MAP3K2: variants seen among roughly 807,000 people sequenced by gnomAD.
The protein encoded by MAP3K2 is mitogen-activated protein kinase kinase kinase 2.
Under a neutral mutation model 80.3 loss-of-function variants are expected in MAP3K2, and 24 were observed. The ratio of observed to expected loss-of-function variants is 0.30; its 90% confidence interval spans 0.22 to 0.42. MAP3K2 has a LOEUF of 0.42. Among genes scored for constraint, MAP3K2 ranks in the 10% least tolerant of loss-of-function variants. The pLI, the probability that MAP3K2 is intolerant of heterozygous loss-of-function variation, is 1.00. For missense variants in MAP3K2, 608 were observed against 750.1 expected (o/e 0.81, Z 2.21); for synonymous variants, 244 against 253.7 (o/e 0.96, Z 0.36).
intron 1 of MAP3K2, among the ~76,000 whole-genome samples, chr2:127,357,061 TG>T (rs1431558969): frequency 2.6e-5 from 4 of 152,078 alleles, no homozygotes; most frequent in African/African-American, 9.7e-5. Flanking sequence ...CATTAAAACA[TG>T]GGCAAAGGAC....
chr2:127,326,372 T>A (rs1011569605), intron 8 of MAP3K2, among the ~76,000 whole-genome samples: 1 of 151,912 alleles, frequency 6.6e-6, no homozygotes, highest in Non-Finnish European at 1.5e-5. Flanking sequence ...AGGTAAATAT[T>A]TGTAGTTTCA....
intron 1 of MAP3K2, among the ~76,000 whole-genome samples, chr2:127,350,679 G>A (rs1686677970): frequency 6.6e-6 from 1 of 151,838 alleles, no homozygotes; most frequent in Non-Finnish European, 1.5e-5. Context: ...TGGATGAAAA[G>A]TGTGATGAGG....
At position 127,323,590 on chromosome 2, in the gene MAP3K2, A is replaced by G. The variant is rs187249930; in HGVS notation, c.838+312T>C. Reference sequence around the variant, plus strand: ...TAATGGCACACACCTGAACTCAGGAAGCCAAGGCAGGAAGATCACTTGAGC... The same window carrying G: ...TAATGGCACACACCTGAACTCAGGAGGCCAAGGCAGGAAGATCACTTGAGC... On this transcript the variant is annotated intron_variant, in intron 11 of 16. Coordinates refer to ENST00000682094, the MANE Select transcript of MAP3K2 (RefSeq NM_001371910.2). 9.9e-5 allele frequency among the ~76,000 whole-genome samples: 15 copies of G among 151,848 alleles called. No individual in the cohort carries two copies. The East Asian group carries it at 2.7e-3, about 28-fold the overall frequency.
chr2:127,308,841 T>C, intron 15 of MAP3K2, 79 bp from the exon 16 acceptor site: 1 of 1,421,374 alleles, frequency 7.0e-7, no homozygotes, highest in Non-Finnish European at 9.6e-7. Context: ...TGGCAGAGAA[T>C]TACTTCATAG....
At chr2:127,379,982 A>C (rs916849523) in intron 1 of MAP3K2, among the ~76,000 whole-genome samples, 5 of 152,228 alleles carry the variant, frequency 3.3e-5, no homozygotes, top group African/African-American at 1.2e-4. Flanking sequence ...AGTGCCTAGA[A>C]CACAGAAAAT....
At chr2:127,384,876 A>G (rs1574012400) in intron 1 of MAP3K2, among the ~76,000 whole-genome samples, 1 of 152,050 alleles carries the variant, frequency 6.6e-6, no homozygotes, top group East Asian at 1.9e-4. Flanking sequence ...GGCGCAAGCA[A>G]TCCTCCTGCC....
chr2:127,342,750 A>G (rs927505887), intron 2 of MAP3K2, among the ~76,000 whole-genome samples: 21 of 152,350 alleles, frequency 1.4e-4, no homozygotes, highest in African/African-American at 5.1e-4. Flanking sequence ...TTAAACTAAC[A>G]TTATACCACA....
chr2:127,382,166 G>GAT (rs1217845697), intron 1 of MAP3K2, among the ~76,000 whole-genome samples: 4 of 152,138 alleles, frequency 2.6e-5, no homozygotes, highest in African/African-American at 9.7e-5. Context: ...TGTAAATATG[G>GAT]ATATATATTA....
At chr2:127,353,627 C>T (rs1403172933) in intron 1 of MAP3K2, among the ~76,000 whole-genome samples, 7 of 149,572 alleles carry the variant, frequency 4.7e-5, no homozygotes, top group Non-Finnish European at 8.9e-5. Context: ...TGGGGGGGGT[C>T]AAACCCCGGC....
At chr2:127,347,502 ATAAAG>A (rs980175428) in intron 1 of MAP3K2, among the ~76,000 whole-genome samples, 1 of 151,842 alleles carries the variant, frequency 6.6e-6, no homozygotes, top group Non-Finnish European at 1.5e-5. Flanking sequence ...ACCAAAAAAA[ATAAAG>A]TACTTAGGAA....
intron 1 of MAP3K2, among the ~76,000 whole-genome samples, chr2:127,367,807 A>G (rs1686997852): frequency 6.6e-6 from 1 of 152,180 alleles, no homozygotes; most frequent in South Asian, 2.1e-4. Flanking sequence ...CAAAACCTCC[A>G]TAATACCATT....
upstream of MAP3K2, chr2:127,388,190 GC>G: frequency 1.1e-6 from 1 of 878,112 alleles, no homozygotes; most frequent in Non-Finnish European, 1.4e-6. Flanking sequence ...CCTCGGCCCC[GC>G]CCCCGCCCCT....
chr2:127,368,871 A>C (rs767716206), intron 1 of MAP3K2, among the ~76,000 whole-genome samples: 48 of 151,864 alleles, frequency 3.2e-4, no homozygotes, highest in African/African-American at 1.1e-3. Flanking sequence ...TCAGCCTCCA[A>C]AGTAGCTGGC....
At chr2:127,380,843 G>C (rs181710285) in intron 1 of MAP3K2, among the ~76,000 whole-genome samples, 1 of 152,222 alleles carries the variant, frequency 6.6e-6, no homozygotes, top group African/African-American at 2.4e-5. Context: ...ACAACACTTT[G>C]AGAATAAGAG....
intron 1 of MAP3K2, among the ~76,000 whole-genome samples, chr2:127,367,920 T>C (rs538303470): frequency 6.6e-6 from 1 of 152,320 alleles, no homozygotes; most frequent in East Asian, 1.9e-4. Flanking sequence ...TAAAATAAAA[T>C]ATGACTTAGG....
rs1263881433 is a variant in MAP3K2, at chr2:127,304,055, G to A, written c.*3524C>T. 6.6e-6 allele frequency: 1 copy of A among 152,134 alleles called. No homozygotes were observed. The highest frequency in any genetic ancestry group is 1.5e-5 in the Non-Finnish European group (1 of 68,012). 9.4% of individuals were successfully genotyped at this position (152,134 alleles called of 1,614,324 possible). A position where few individuals can be genotyped will look rare whatever the true frequency, so the allele number is the denominator to read the frequency against. ...GGGAATAAGGTAAAGACTCTCTCAA[G>A]TGAAAGCCAATCCAATTCACTCTGA... On this transcript the variant is annotated 3_prime_UTR_variant, in exon 17 of 17. Coordinates refer to ENST00000682094, the MANE Select transcript of MAP3K2 (RefSeq NM_001371910.2).
At chr2:127,387,385 G>GACACACAC (rs1190825772) in intron 1 of MAP3K2, 67 bp downstream of exon 1, 1 of 25,172 alleles carries the variant, frequency 4.0e-5, no homozygotes, top group Admixed American at 1.1e-3. Flanking sequence ...CGCGGCCCCC[G>GACACACAC]ACACACACGC....
intron 1 of MAP3K2, among the ~76,000 whole-genome samples, chr2:127,353,790 T>G (rs1686747247): frequency 6.6e-6 from 1 of 151,838 alleles, no homozygotes; most frequent in African/African-American, 2.4e-5. Flanking sequence ...GGCAGTTTTG[T>G]GGAATAGAAA....
At position 127,352,931 on chromosome 2, in the gene MAP3K2, C is replaced by T. The variant is rs561193859; in HGVS notation, c.-65-9737G>A. The stretch of plus-strand genomic sequence containing the variant: ...GGCTGGGCTGGTCTCCAGCTCCTAA[C>T]CTCAAGTGATCCGCCAGCCTCGGCC... On this transcript the variant is annotated intron_variant, in intron 1 of 16. Transcript: ENST00000682094. 1.1e-4 allele frequency among the ~76,000 whole-genome samples: 17 copies of T among 152,292 alleles called. No individual in the cohort carries two copies. The South Asian group carries it at 3.5e-3, about 32-fold the overall frequency.
Sources: gnomAD v4.1 joint callset for allele counts (sites outside exome capture counted in the v4.1 genomes callset) on GRCh38, gnomAD v4.1.1 for gene constraint, MANE v1.5 for transcripts, NCBI Gene and HGNC (gene_info 2026-07-23, HGNC 2026-07-21) for gene names.